The following TMEM272 variants were observed in gnomAD, a reference collection of about 807,000 sequenced individuals.
The protein encoded by TMEM272 is long intergenic non-protein coding RNA 282.
In TMEM272, 8 loss-of-function variants were observed where a neutral mutation model predicts 3.7. The observed-to-expected ratio is 2.17, with a 90% CI of 1.27 to 3.91. The LOEUF is 3.91. Ranked by LOEUF, TMEM272 falls within the 30% of genes most tolerant of loss-of-function variation. TMEM272 has a pLI of 0.00. For synonymous variants in TMEM272, 63 were observed against 39.8 expected (o/e 1.58, Z -2.20); for missense variants, 166 against 91.5 (o/e 1.81, Z -3.32).
the TMEM272 span, among the ~76,000 whole-genome samples, chr13:51,911,985 C>T: frequency 6.6e-6 from 1 of 152,102 alleles, no homozygotes; most frequent in Non-Finnish European, 1.5e-5. Context: ...ACCCTTACTT[C>T]GGGCACCCAC....
intron 4 of TMEM272, 95 bp from the exon 5 acceptor site, chr13:51,817,208 GGA>G: frequency 1.6e-6 from 1 of 612,376 alleles, no homozygotes; most frequent in South Asian, 1.9e-5. Flanking sequence ...GTGTTGGCAG[GGA>G]GAGAGAAAGA....
At chr13:51,879,127 T>C in the TMEM272 span, among the ~76,000 whole-genome samples, 49 of 152,154 alleles carry the variant, frequency 3.2e-4, no homozygotes, top group Non-Finnish European at 6.5e-4. Flanking sequence ...CTCTTGACAA[T>C]GTATGTCTCC....
intron 1 of TMEM272, among the ~76,000 whole-genome samples, chr13:51,842,889 GA>G (rs1394144571): frequency 2.0e-5 from 3 of 152,160 alleles, no homozygotes; most frequent in East Asian, 3.8e-4. Flanking sequence ...TTCTCTCCAT[GA>G]AAAGTGCTTT....
chr13:51,916,005 G>A, the TMEM272 span, among the ~76,000 whole-genome samples: 6 of 152,096 alleles, frequency 3.9e-5, no homozygotes, highest in Non-Finnish European at 8.8e-5. Flanking sequence ...CCCGGGAGGC[G>A]GAGGTTGCAG....
At chr13:51,927,988 C>G in the TMEM272 span, among the ~76,000 whole-genome samples, 1 of 152,064 alleles carries the variant, frequency 6.6e-6, no homozygotes, top group Admixed American at 6.5e-5. Flanking sequence ...TCGGGTCTGC[C>G]CCAACTCCAA....
At chr13:51,832,100 C>T (rs1030850778) in intron 2 of TMEM272, among the ~76,000 whole-genome samples, 8 of 151,842 alleles carry the variant, frequency 5.3e-5, no homozygotes, top group Non-Finnish European at 8.8e-5. Context: ...GGGTGCCCTC[C>T]TCAGGGTGGC....
the TMEM272 span, among the ~76,000 whole-genome samples, chr13:51,878,680 T>C: frequency 2.2e-4 from 33 of 152,144 alleles, 1 homozygote; most frequent in Non-Finnish European, 8.8e-5. Context: ...TGGAATTAAA[T>C]TGGTATTTGA....
At chr13:51,820,602 C>T (rs1051041473) in intron 4 of TMEM272, among the ~76,000 whole-genome samples, 3 of 152,198 alleles carry the variant, frequency 2.0e-5, no homozygotes, top group Admixed American at 6.5e-5. Flanking sequence ...ACAGACCCCA[C>T]GGACAGTAGC....
At chr13:51,866,233 C>T in the TMEM272 span, 1 of 652,250 alleles carries the variant, frequency 1.5e-6, no homozygotes, top group East Asian at 2.9e-5. Flanking sequence ...GGAAAACCAA[C>T]TTATTTGAGG....
At chr13:51,872,534 T>C in the TMEM272 span, among the ~76,000 whole-genome samples, 1 of 152,062 alleles carries the variant, frequency 6.6e-6, no homozygotes, top group Non-Finnish European at 1.5e-5. Flanking sequence ...GAACACAAGT[T>C]TGCAGATGGA....
the TMEM272 span, chr13:51,934,207 C>G: frequency 5.2e-6 from 1 of 192,774 alleles, no homozygotes; most frequent in Non-Finnish European, 1.1e-5. Flanking sequence ...GGGGTCCCCA[C>G]TGACAAGCAC....
chr13:51,817,616 G>A (rs1054343246), intron 4 of TMEM272, among the ~76,000 whole-genome samples: 1 of 152,120 alleles, frequency 6.6e-6, no homozygotes, highest in Non-Finnish European at 1.5e-5. Context: ...CAGGTACCGT[G>A]AGCCGTTTCC....
chr13:51,854,147 C>T, the TMEM272 span, among the ~76,000 whole-genome samples: 6 of 152,050 alleles, frequency 3.9e-5, no homozygotes, highest in African/African-American at 1.2e-4. Flanking sequence ...TTTTCAATCC[C>T]GTGAGCTCGC....
chr13:51,920,061 G>A, the TMEM272 span, among the ~76,000 whole-genome samples: 6 of 152,292 alleles, frequency 3.9e-5, no homozygotes, highest in Non-Finnish European at 8.8e-5. Flanking sequence ...CAGGTATGAC[G>A]TTGCAGTGAG....
intron 2 of TMEM272, among the ~76,000 whole-genome samples, chr13:51,835,488 T>C (rs367986715): frequency 6.6e-6 from 1 of 152,332 alleles, no homozygotes; most frequent in East Asian, 1.9e-4. Flanking sequence ...TCTCCCAAAG[T>C]GCTGGGATTA....
chr13:51,876,051 C>T, the TMEM272 span, among the ~76,000 whole-genome samples: 3 of 152,160 alleles, frequency 2.0e-5, no homozygotes, highest in Non-Finnish European at 2.9e-5. Flanking sequence ...CTTCACTGAC[C>T]GGCTCCTTTT....
the TMEM272 span, among the ~76,000 whole-genome samples, chr13:51,859,505 A>ACACAC: frequency 1.5e-5 from 2 of 129,942 alleles, no homozygotes; most frequent in African/African-American, 2.9e-5. Context: ...CTCCCAACCA[A>ACACAC]ACACACACAC....
the TMEM272 span, among the ~76,000 whole-genome samples, chr13:51,923,038 G>T: frequency 6.6e-6 from 1 of 152,216 alleles, no homozygotes; most frequent in Non-Finnish European, 1.5e-5. Context: ...CCACTGTTCT[G>T]CCAGCTGCAG....
At chr13:51,896,399 TATC>T in the TMEM272 span, among the ~76,000 whole-genome samples, 8 of 152,168 alleles carry the variant, frequency 5.3e-5, no homozygotes, top group Admixed American at 2.6e-4. Context: ...GAAGTTTTCT[TATC>T]ATTTCAGAGA....
Sources: allele counts gnomAD v4.1 joint callset (sites outside exome capture counted in the v4.1 genomes callset), GRCh38; gene constraint gnomAD v4.1.1; transcripts MANE v1.5; gene names NCBI Gene and HGNC (gene_info 2026-07-23, HGNC 2026-07-21).